Variants in EFCAB13 observed in about 807,000 individuals in gnomAD.
The protein encoded by EFCAB13 is EF-hand calcium binding domain 13.
EFCAB13 carries 91 observed loss-of-function variants against 110.2 expected under a neutral mutation model. The observed-to-expected ratio is 0.83, with a 90% CI of 0.70 to 0.98. The LOEUF (loss-of-function observed/expected upper bound fraction) is 0.98, where lower values mean the gene tolerates loss of function less well. EFCAB13 is among the 50% of genes least tolerant of loss of function. The pLI, the probability that EFCAB13 is intolerant of heterozygous loss-of-function variation, is 0.00. For missense variants in EFCAB13, 968 were observed against 1,119.4 expected (o/e 0.86, Z 1.93); for synonymous variants, 323 against 369.9 (o/e 0.87, Z 1.45).
At chr17:47,405,793 G>A (rs940127861) in intron 20 of EFCAB13, among the ~76,000 whole-genome samples, 5 of 151,096 alleles carry the variant, frequency 3.3e-5, no homozygotes, top group East Asian at 1.9e-4. Flanking sequence ...TATCTTTAGC[G>A]TTTCTATTTA....
chr17:47,370,981 C>G (rs2065580182), intron 11 of EFCAB13, among the ~76,000 whole-genome samples: 2 of 150,892 alleles, frequency 1.3e-5, no homozygotes, highest in African/African-American at 4.9e-5. Flanking sequence ...CTCAGGTGAT[C>G]CACCTGCCTC....
intron 10 of EFCAB13, among the ~76,000 whole-genome samples, chr17:47,364,194 T>C (rs2143327144): frequency 6.6e-6 from 1 of 152,224 alleles, no homozygotes; most frequent in African/African-American, 2.4e-5. Context: ...AACCTGAGAG[T>C]CATCCTTGGC....
chr17:47,406,615 T>A (rs923842369), intron 20 of EFCAB13, among the ~76,000 whole-genome samples: 6 of 152,214 alleles, frequency 3.9e-5, no homozygotes, highest in African/African-American at 1.2e-4. Flanking sequence ...GTAAGGTACA[T>A]TCACTCATTT....
At position 47,326,341 on chromosome 17, in the gene EFCAB13, G is replaced by A. The variant is rs1447474954; in HGVS notation, c.-132G>A. The A allele has an allele frequency of 2.0e-5, 3 of 152,032 alleles. No homozygotes were observed. Among genetic ancestry groups the A allele is most frequent in the Non-Finnish European group, 4.4e-5 (3 of 67,998 alleles). The allele number at this position is 152,032 out of a possible 1,614,324, so 9.4% of individuals were successfully genotyped here. The stretch of plus-strand genomic sequence containing the variant: ...GTTCCTTTCAAGATTTATTCAAAAC[G>A]TGTCAACTCTGCTTAATTAAGCACT... On this transcript the variant is annotated 5_prime_UTR_variant, in exon 3 of 25. It adds an upstream start codon to the 5' untranslated region. Transcript: ENST00000331493.
At chr17:47,426,658 T>A (rs7222354) in intron 23 of EFCAB13, among the ~76,000 whole-genome samples, 542 of 152,310 alleles carry the variant, frequency 3.6e-3, no homozygotes, top group African/African-American at 0.012. Flanking sequence ...AAATTTTGTA[T>A]TTGTATTAAA....
intron 14 of EFCAB13, among the ~76,000 whole-genome samples, chr17:47,384,144 A>AGTTTTTTTTTTTT (rs1385445594): frequency 2.2e-5 from 3 of 134,756 alleles, no homozygotes; most frequent in African/African-American, 8.1e-5. Context: ...TGCAACCCCC[A>AGTTTTTTTTTTTT]GTTTTTTTTT....
At chr17:47,374,420 G>A (rs1217998116) in intron 11 of EFCAB13, 52 bp from the exon 12 acceptor site, 2 of 1,343,054 alleles carry the variant, frequency 1.5e-6, no homozygotes, top group Non-Finnish European at 2.0e-6. Context: ...TTTTTGAAAT[G>A]TATTGCAAAT....
chr17:47,361,578 T>A, intron 10 of EFCAB13, 57 bp downstream of exon 10: 1 of 1,418,706 alleles, frequency 7.0e-7, no homozygotes, highest in Non-Finnish European at 9.6e-7. Flanking sequence ...TATTTATACA[T>A]TTTTTTCCGG....
intron 13 of EFCAB13, 152 bp downstream of exon 13, chr17:47,378,055 TA>T (rs1035033708): frequency 3.0e-4 from 211 of 701,360 alleles, no homozygotes; most frequent in East Asian, 4.1e-4. Context: ...TGGAAAATAG[TA>T]AAAAAAAATT....
chr17:47,391,035 G>A (rs1224553822), intron 14 of EFCAB13, among the ~76,000 whole-genome samples: 1 of 151,960 alleles, frequency 6.6e-6, no homozygotes, highest in Non-Finnish European at 1.5e-5. Flanking sequence ...CATCTTCTGG[G>A]CTCAAGCAAT....
At chr17:47,372,254 G>T (rs2065589123) in intron 11 of EFCAB13, among the ~76,000 whole-genome samples, 1 of 151,428 alleles carries the variant, frequency 6.6e-6, no homozygotes, top group South Asian at 2.1e-4. Flanking sequence ...GTAGGTTTTT[G>T]ATTTGTGGCT....
intron 20 of EFCAB13, 47 bp downstream of exon 20, chr17:47,404,680 T>G: frequency 7.0e-7 from 1 of 1,433,656 alleles, no homozygotes; most frequent in African/African-American, 1.4e-5. Flanking sequence ...ATACAGAACT[T>G]ATTCAAAGTT....
At chr17:47,325,831 CATACA>C (rs954917598) in intron 2 of EFCAB13, among the ~76,000 whole-genome samples, 13 of 146,124 alleles carry the variant, frequency 8.9e-5, no homozygotes, top group Non-Finnish European at 1.8e-4. Flanking sequence ...TTGCAGATAA[CATACA>C]ATATGTTTTA....
In EFCAB13 at chr17:47,335,217, T is replaced by C. The variant is rs146510371; in HGVS notation, c.52T>C (p.Leu18=). 2.3e-4 allele frequency: 370 copies of C among 1,606,278 alleles called. No individual in the cohort carries two copies. The highest frequency in any genetic ancestry group is 2.1e-4 in the Non-Finnish European group (243 of 1,177,812). Residue 18 remains leucine (L), a synonymous_variant, in exon 5 of 25, where the codon TTA becomes CTA. Coordinates refer to ENST00000331493, the MANE Select transcript of EFCAB13 (RefSeq NM_152347.5). ...FCQAEENIDL[L]DDGSNSFATD... is the part of the protein sequence containing the mutation. ...CCAGGCAGAGGAAAATATTGACTTA[T>C]TAGATGATGGCTCTAATTCTTTTGC...
chr17:47,366,079 C>T (rs1244505588), intron 10 of EFCAB13, among the ~76,000 whole-genome samples: 1 of 152,026 alleles, frequency 6.6e-6, no homozygotes, highest in African/African-American at 2.4e-5. Context: ...GGTACTGTTC[C>T]AGCATCTTAT....
intron 5 of EFCAB13, among the ~76,000 whole-genome samples, chr17:47,339,300 G>T (rs2143248470): frequency 6.6e-6 from 1 of 152,208 alleles, no homozygotes. Context: ...GTGGTCTCCA[G>T]ACTTTTTGGC....
chr17:47,362,443 G>A (rs920368999), intron 10 of EFCAB13, among the ~76,000 whole-genome samples: 1 of 152,088 alleles, frequency 6.6e-6, no homozygotes, highest in Non-Finnish European at 1.5e-5. Flanking sequence ...GTGGTCTAGC[G>A]GTAGCGTCAG....
intron 6 of EFCAB13, among the ~76,000 whole-genome samples, chr17:47,342,275 T>C (rs1371956516): frequency 5.3e-5 from 8 of 152,160 alleles, no homozygotes; most frequent in Non-Finnish European, 8.8e-5. Context: ...ACTTATTTTT[T>C]GTCTTTTTTA....
Position 47,374,518 on chromosome 17 carries a change from G to A in EFCAB13, c.924G>A (p.Lys308=), listed in dbSNP as rs1182138081. The change falls in exon 12 of 25, where the codon AAG becomes AAA. Residue 308 remains lysine, a synonymous_variant. Transcript: ENST00000331493. The stretch of plus-strand genomic sequence containing the variant: ...TGAATGAAATTACTTCAGACAGAAA[G>A]TTATCAAGTGTAGCAGGATGCTATC... ...SPLNEITSDR[K]LSSVAGCYLK... 1 of 1,559,870 alleles carries A rather than the reference G, an allele frequency of 6.4e-7. No homozygotes were observed. Among genetic ancestry groups the A allele is most frequent in the East Asian group, 2.3e-5 (1 of 44,308 alleles).
Sources: gnomAD v4.1 joint callset for allele counts (sites outside exome capture counted in the v4.1 genomes callset) on GRCh38, gnomAD v4.1.1 for gene constraint, MANE v1.5 for transcripts, NCBI Gene and HGNC (gene_info 2026-07-23, HGNC 2026-07-21) for gene names.